C5orf63: variants seen among roughly 807,000 people sequenced by gnomAD.
C5orf63 encodes the protein glutaredoxin-like protein C5orf63.
Under a neutral mutation model 13.3 loss-of-function variants are expected in C5orf63, and 18 were observed. That is an observed-to-expected ratio of 1.36 (90% CI 0.94 to 2.01). C5orf63 has a LOEUF of 2.01. C5orf63 is among the 30% of genes most tolerant of loss of function. The pLI is 0.00. For synonymous variants in C5orf63, 38 were observed against 44.7 expected, an observed-to-expected ratio of 0.85 and a Z score of 0.60; for missense variants, 118 against 127.7, an observed-to-expected ratio of 0.92 and a Z score of 0.36.
downstream of C5orf63, chr5:127,045,104 A>G (rs1211517286): frequency 6.6e-6 from 1 of 152,150 alleles, no homozygotes; most frequent in East Asian, 1.9e-4. Context: ...ATCCCACCAC[A>G]ATTTTCTTTT....
At chr5:127,058,610 A>T in intron 3 of C5orf63, 1 of 305,562 alleles carries the variant, frequency 3.3e-6, no homozygotes, top group Non-Finnish European at 6.0e-6. Context: ...GTATTTCTAA[A>T]TGATACATTT....
At chr5:127,069,026 T>C (rs1754433785) in intron 2 of C5orf63, among the ~76,000 whole-genome samples, 1 of 152,144 alleles carries the variant, frequency 6.6e-6, no homozygotes, top group Non-Finnish European at 1.5e-5. Context: ...ATATTCCAAA[T>C]TCAGAGTGTG....
At chr5:127,052,458 G>A in intron 4 of C5orf63, 155 bp downstream of exon 4, 1 of 497,878 alleles carries the variant, frequency 2.0e-6, no homozygotes, top group Non-Finnish European at 3.2e-6. Flanking sequence ...GAGTTTTATG[G>A]TAATAAGCAC....
At chr5:127,046,512 G>A (rs1580520723), downstream of C5orf63, 1 of 152,354 alleles carries the variant, frequency 6.6e-6, no homozygotes, top group Non-Finnish European at 1.5e-5. Flanking sequence ...CTTCTCTTGA[G>A]TATGGTAGAA....
chr5:127,049,026 T>C (rs998493497), downstream of C5orf63, among the ~76,000 whole-genome samples: 1 of 152,146 alleles, frequency 6.6e-6, no homozygotes, highest in Non-Finnish European at 1.5e-5. Flanking sequence ...ACTTTGTCTG[T>C]GGCATCCCTG....
chr5:127,066,623 T>G (rs1287011808), intron 2 of C5orf63, among the ~76,000 whole-genome samples: 2 of 151,836 alleles, frequency 1.3e-5, no homozygotes, highest in African/African-American at 2.4e-5. Flanking sequence ...AAGAGCTCGG[T>G]TAGGGACATG....
chr5:127,046,005 T>A (rs1278789732), exon 5 of C5orf63: 1 of 152,240 alleles, frequency 6.6e-6, no homozygotes, highest in Non-Finnish European at 1.5e-5. Flanking sequence ...TGGGTCAAGA[T>A]TAGTATTCTC....
intron 3 of C5orf63, among the ~76,000 whole-genome samples, chr5:127,058,494 A>G (rs1753971809): frequency 6.6e-6 from 1 of 152,154 alleles, no homozygotes; most frequent in Admixed American, 6.5e-5. Flanking sequence ...ATGACCAGAG[A>G]CTCATAGGAA....
At chr5:127,065,617 C>A (rs1754302585) in intron 2 of C5orf63, among the ~76,000 whole-genome samples, 1 of 152,050 alleles carries the variant, frequency 6.6e-6, no homozygotes, top group Non-Finnish European at 1.5e-5. Flanking sequence ...CTAGGATAAG[C>A]CTGTGGAGGA....
intron 2 of C5orf63, among the ~76,000 whole-genome samples, chr5:127,062,891 C>T (rs988743997): frequency 2.5e-4 from 38 of 152,124 alleles, no homozygotes; most frequent in African/African-American, 9.2e-4. Flanking sequence ...GTCCTTACTA[C>T]ACACACAGAC....
At chr5:127,047,901 ATCCTTGT>A, downstream of C5orf63, 1 of 700,282 alleles carries the variant, frequency 1.4e-6, no homozygotes, top group Non-Finnish European at 2.6e-6. Flanking sequence ...GCAGCTTCTG[ATCCTTGT>A]AGGGTTGCTA....
chr5:127,057,625 A>T (rs188445859), intron 3 of C5orf63, among the ~76,000 whole-genome samples: 3 of 152,330 alleles, frequency 2.0e-5, no homozygotes, highest in Admixed American at 2.0e-4. Context: ...CCAAGTCAAT[A>T]CTTGAAGCGC....
At chr5:127,060,929 G>A (rs901535668) in intron 2 of C5orf63, among the ~76,000 whole-genome samples, 10 of 152,096 alleles carry the variant, frequency 6.6e-5, no homozygotes, top group African/African-American at 2.4e-4. Flanking sequence ...ATAAGAACAG[G>A]TACTTGTTCA....
chr5:127,065,325 T>C (rs1294625696), intron 2 of C5orf63, among the ~76,000 whole-genome samples: 1 of 152,108 alleles, frequency 6.6e-6, no homozygotes, highest in East Asian at 1.9e-4. Context: ...AAATTAGAAA[T>C]ACAGGAAATA....
chr5:127,056,599 C>A (rs1029333164), intron 3 of C5orf63: 1 of 152,208 alleles, frequency 6.6e-6, no homozygotes, highest in African/African-American at 2.4e-5. Flanking sequence ...TCATCTCCCA[C>A]CAGGTGTCTC....
intron 2 of C5orf63, among the ~76,000 whole-genome samples, chr5:127,062,722 T>C (rs1034410416): frequency 2.0e-5 from 3 of 152,236 alleles, no homozygotes; most frequent in Admixed American, 2.0e-4. Context: ...TAATATGGGC[T>C]ACTCTGTCAA....
chr5:127,055,859 C>G (rs905425736), intron 3 of C5orf63, among the ~76,000 whole-genome samples: 7 of 152,018 alleles, frequency 4.6e-5, no homozygotes, highest in African/African-American at 1.7e-4. Flanking sequence ...GACCTGGGGT[C>G]CACAGAAGTC....
chr5:127,052,727 A>AAAAAC (rs1418880337), intron 3 of C5orf63, 58 bp from the exon 4 acceptor site: 10 of 1,370,720 alleles, frequency 7.3e-6, no homozygotes, highest in South Asian at 1.6e-5. Context: ...TTGCCCTTAC[A>AAAAAC]AAAACAAAAC....
downstream of C5orf63, among the ~76,000 whole-genome samples, chr5:127,048,510 G>C (rs1204874068): frequency 6.6e-6 from 1 of 151,896 alleles, no homozygotes; most frequent in Non-Finnish European, 1.5e-5. Flanking sequence ...TACTTTGGTA[G>C]AAAATTAGTG....
Sources: allele counts gnomAD v4.1 joint callset (sites outside exome capture counted in the v4.1 genomes callset), GRCh38; gene constraint gnomAD v4.1.1; transcripts MANE v1.5; gene names NCBI Gene and HGNC (gene_info 2026-07-23, HGNC 2026-07-21).